Variants in ACAP2 observed in about 807,000 individuals in gnomAD.
ACAP2 encodes ArfGAP with coiled-coil, ankyrin repeat and PH domains 2, also known as arf-GAP with coiled-coil, ANK repeat and PH domain-containing protein 2.
ACAP2 carries 39 observed loss-of-function variants against 115.8 expected under a neutral mutation model. The observed-to-expected ratio is 0.34, with a 90% CI of 0.26 to 0.44. The LOEUF (loss-of-function observed/expected upper bound fraction) is 0.44. ACAP2 is among the 20% of genes least tolerant of loss of function. The pLI is 1.00. For synonymous variants in ACAP2, 289 were observed against 315.8 expected (o/e 0.92, Z 0.90); for missense variants, 662 against 927.6 (o/e 0.71, Z 3.72).
chr3:195,337,238 T>C (rs1305998048), intron 6 of ACAP2, among the ~76,000 whole-genome samples: 1 of 152,228 alleles, frequency 6.6e-6, no homozygotes, highest in Non-Finnish European at 1.5e-5. Flanking sequence ...TTTTGACATC[T>C]GAAGCTCTGG....
chr3:195,326,998 A>C lies in ACAP2; in HGVS notation c.670-39T>G, dbSNP rs372827682. On this transcript the variant is annotated intron_variant, in intron 8 of 22. Transcript: ENST00000326793. ...AAAGAGAAAACTGCAGACTTAAAAA[A>C]AGTATGGATTAGTTTTTCAAACCAT... is the stretch of plus-strand genomic sequence containing the variant. The C allele has an allele frequency of 9.2e-4, 1,432 of 1,552,118 alleles. 3 individuals are homozygous for C. Among genetic ancestry groups the C allele is most frequent in the Non-Finnish European group, 1.2e-3 (1,354 of 1,129,396 alleles).
At chr3:195,420,352 T>C (rs76397923) in intron 1 of ACAP2, among the ~76,000 whole-genome samples, 3,343 of 152,324 alleles carry the variant, frequency 0.022, 118 homozygotes, top group East Asian at 0.1. Context: ...TGTTCTGTTT[T>C]GTTTTGGTTT....
chr3:195,376,326 G>A (rs957421545), intron 4 of ACAP2, among the ~76,000 whole-genome samples: 11 of 152,078 alleles, frequency 7.2e-5, no homozygotes, highest in African/African-American at 2.7e-4. Context: ...CCTGGGAAGT[G>A]GAGGCTGCAG....
Position 195,292,437 on chromosome 3 carries a change from T to A in ACAP2, c.1781A>T (p.Asp594Val). The change falls in exon 19 of 23, where the codon GAT becomes GTT. Residue 594 changes from aspartate (D) to valine (V), a missense_variant. Asp to Val is a radical substitution (Grantham distance 152, BLOSUM62 -3). Transcript: ENST00000326793. ...TTTCGAGTCAAGAAACATAGAAGAA[T>A]CTTGCCTTTCTCCTTCTGAAAAGCA... ...SLYEPEGERQ[D>V]SSMFLDSKHL... The A allele has an allele frequency of 2.5e-6, 4 of 1,604,754 alleles. No individual in the cohort carries two copies. The highest frequency in any genetic ancestry group is 3.4e-6 in the Non-Finnish European group (4 of 1,177,528).
intron 4 of ACAP2, among the ~76,000 whole-genome samples, chr3:195,357,339 T>C (rs1732042038): frequency 6.6e-6 from 1 of 152,122 alleles, no homozygotes; most frequent in South Asian, 2.1e-4. Flanking sequence ...GGTTTCCGAT[T>C]GCAGGCCCTG....
intron 8 of ACAP2, among the ~76,000 whole-genome samples, chr3:195,332,133 CAAAA>C (rs538950489): frequency 3.4e-5 from 2 of 59,338 alleles, no homozygotes; most frequent in Admixed American, 1.7e-4. Flanking sequence ...GACTCCACCT[CAAAA>C]AAAAAAAAAA....
chr3:195,415,421 C>T lies in ACAP2; in HGVS notation c.54-23274G>A, dbSNP rs191011996. Among the ~76,000 whole-genome samples the T allele has an allele frequency of 1.8e-4, 27 of 151,880 alleles. 1 individual carries two copies. The East Asian group carries it at 4.8e-3, about 27-fold the overall frequency. On this transcript the variant is annotated intron_variant, in intron 1 of 22. Coordinates refer to ENST00000326793, the MANE Select transcript of ACAP2 (RefSeq NM_012287.6). ...CCTCCCGAGTAACTGGGACTACGGG[C>T]GTGCACCACCATGCCCAGCTAATTT...
At chr3:195,430,717 C>T (rs12629884) in intron 1 of ACAP2, among the ~76,000 whole-genome samples, 45,907 of 149,726 alleles carry the variant, frequency 0.31, 8,005 homozygotes, top group East Asian at 0.81. Context: ...CCTGTCTCAA[C>T]TGAAAAAAAA....
chr3:195,349,274 G>C (rs1411056172), intron 4 of ACAP2, among the ~76,000 whole-genome samples: 1 of 152,096 alleles, frequency 6.6e-6, no homozygotes, highest in Non-Finnish European at 1.5e-5. Context: ...CTGAGGTCGG[G>C]AGTTTGAGAC....
At chr3:195,388,961 C>A (rs2108766208) in intron 2 of ACAP2, among the ~76,000 whole-genome samples, 2 of 150,828 alleles carry the variant, frequency 1.3e-5, no homozygotes, top group East Asian at 3.9e-4. Context: ...AAGGTGGAAG[C>A]TGCAATGAGC....
At chr3:195,282,066 T>TA (rs1726544361) in intron 22 of ACAP2, 1 of 152,228 alleles carries the variant, frequency 6.6e-6, no homozygotes, top group African/African-American at 2.4e-5. Context: ...CCAAATAGTC[T>TA]ACAGGTAGCA....
intron 1 of ACAP2, among the ~76,000 whole-genome samples, chr3:195,431,911 CG>C (rs1715160136): frequency 6.6e-6 from 1 of 152,046 alleles, no homozygotes; most frequent in Non-Finnish European, 1.5e-5. Flanking sequence ...GGTATGAAGT[CG>C]TATCTCACCA....
chr3:195,317,125 T>G (rs979178607), intron 10 of ACAP2, among the ~76,000 whole-genome samples: 1 of 152,040 alleles, frequency 6.6e-6, no homozygotes, highest in African/African-American at 2.4e-5. Context: ...CTCAAACTCC[T>G]GACCTCAAGT....
intron 18 of ACAP2, among the ~76,000 whole-genome samples, chr3:195,293,202 A>C (rs959684493): frequency 6.6e-6 from 1 of 152,230 alleles, no homozygotes; most frequent in African/African-American, 2.4e-5. Flanking sequence ...CTTAAGAAGC[A>C]GCAAGAATCC....
chr3:195,377,196 G>A (rs1733613989), intron 4 of ACAP2, among the ~76,000 whole-genome samples: 1 of 133,052 alleles, frequency 7.5e-6, no homozygotes, highest in African/African-American at 2.8e-5. Context: ...TCAGGCTGGA[G>A]TGCAGTAGTG....
At chr3:195,326,007 T>C (rs1327205545) in intron 9 of ACAP2, among the ~76,000 whole-genome samples, 2 of 152,210 alleles carry the variant, frequency 1.3e-5, no homozygotes, top group Non-Finnish European at 2.9e-5. Context: ...TAATAATCCA[T>C]CATCAATTAA....
At chr3:195,383,821 C>T (rs959336902) in intron 2 of ACAP2, among the ~76,000 whole-genome samples, 2 of 152,024 alleles carry the variant, frequency 1.3e-5, no homozygotes, top group African/African-American at 4.8e-5. Flanking sequence ...AAATGGGTAA[C>T]ATACATGCAG....
chr3:195,402,914 AC>A (rs1282436244), intron 1 of ACAP2, among the ~76,000 whole-genome samples: 42 of 152,230 alleles, frequency 2.8e-4, no homozygotes, highest in Non-Finnish European at 1.3e-4. Flanking sequence ...AAGAAAATAA[AC>A]AATGATCCTT....
chr3:195,353,808 T>C (rs1180472192), intron 4 of ACAP2, among the ~76,000 whole-genome samples: 2 of 152,142 alleles, frequency 1.3e-5, no homozygotes, highest in Admixed American at 1.3e-4. Context: ...AAGCAGAACA[T>C]TTTTCTCTTT....
Sources: gnomAD v4.1 joint callset for allele counts (sites outside exome capture counted in the v4.1 genomes callset) on GRCh38, gnomAD v4.1.1 for gene constraint, MANE v1.5 for transcripts, NCBI Gene and HGNC (gene_info 2026-07-23, HGNC 2026-07-21) for gene names.